The following SPAG16 variants were observed in gnomAD, a reference collection of about 807,000 sequenced individuals.
The protein encoded by SPAG16 is sperm-associated antigen 16 protein.
SPAG16 carries 86 observed loss-of-function variants against 80.4 expected under a neutral mutation model. The observed-to-expected ratio is 1.07, with a 90% CI of 0.90 to 1.28. The LOEUF is 1.28. SPAG16 is among the 50% of genes most tolerant of loss of function. SPAG16 has a pLI of 0.00. For synonymous variants in SPAG16, 294 were observed against 265.9 expected, an observed-to-expected ratio of 1.11 and a Z score of -1.03; for missense variants, 870 against 765.3, an observed-to-expected ratio of 1.14 and a Z score of -1.61.
intron 15 of SPAG16, among the ~76,000 whole-genome samples, chr2:214,299,307 G>T (rs1248934871): frequency 7.2e-6 from 1 of 138,820 alleles, no homozygotes; most frequent in Non-Finnish European, 1.5e-5. Context: ...CTGGAGTGCA[G>T]TGGCGCAATC....
chr2:213,730,940 T>C (rs150378848), intron 10 of SPAG16, among the ~76,000 whole-genome samples: 89 of 152,318 alleles, frequency 5.8e-4, no homozygotes, highest in Non-Finnish European at 8.7e-4. Context: ...TTTCCTTTAC[T>C]GTGCCAAGAC....
chr2:213,727,881 T>C (rs998275973), intron 10 of SPAG16, among the ~76,000 whole-genome samples: 1 of 152,110 alleles, frequency 6.6e-6, no homozygotes, highest in Non-Finnish European at 1.5e-5. Context: ...GGAATTTCAC[T>C]CTTGTCGCCC....
chr2:213,521,811 T>A (rs1575825329), intron 10 of SPAG16, among the ~76,000 whole-genome samples: 1 of 152,262 alleles, frequency 6.6e-6, no homozygotes, highest in Non-Finnish European at 1.5e-5. Context: ...ATGTGTTGTT[T>A]AAAATTTATG....
chr2:214,404,142 G>C (rs1007485335), intron 15 of SPAG16, among the ~76,000 whole-genome samples: 1 of 152,184 alleles, frequency 6.6e-6, no homozygotes, highest in Non-Finnish European at 1.5e-5. Flanking sequence ...GTTCATGTAA[G>C]AGTGTACTTG....
intron 9 of SPAG16, among the ~76,000 whole-genome samples, chr2:213,430,293 A>G (rs2070209805): frequency 6.6e-6 from 1 of 152,220 alleles, no homozygotes; most frequent in Non-Finnish European, 1.5e-5. Context: ...GAGTCAGACA[A>G]AAGTGAAAAA....
chr2:213,928,730 A>G (rs1252251600), intron 11 of SPAG16, among the ~76,000 whole-genome samples: 3 of 152,230 alleles, frequency 2.0e-5, no homozygotes, highest in African/African-American at 7.2e-5. Flanking sequence ...CCGTAGAAAC[A>G]GAGATGAAAT....
chr2:213,610,136 A>C (rs2061396272), intron 10 of SPAG16, among the ~76,000 whole-genome samples: 1 of 152,026 alleles, frequency 6.6e-6, no homozygotes, highest in African/African-American at 2.4e-5. Flanking sequence ...TATATTAATA[A>C]TATTTTTAAA....
chr2:214,046,110 A>T (rs1419905172), intron 13 of SPAG16, among the ~76,000 whole-genome samples: 1 of 152,206 alleles, frequency 6.6e-6, no homozygotes, highest in East Asian at 1.9e-4. Context: ...AAAAAAATGG[A>T]TAAATGGCTA....
chr2:213,431,228 G>GA (rs899972719), intron 9 of SPAG16, among the ~76,000 whole-genome samples: 8 of 151,154 alleles, frequency 5.3e-5, no homozygotes, highest in South Asian at 2.1e-4. Context: ...AAACGGAGGG[G>GA]AAAAAAAAGA....
At chr2:214,289,679 T>C (rs1693644828) in intron 15 of SPAG16, among the ~76,000 whole-genome samples, 1 of 152,236 alleles carries the variant, frequency 6.6e-6, no homozygotes, top group African/African-American at 2.4e-5. Flanking sequence ...TTCAGCTTTG[T>C]TCCTTTGGCT....
At chr2:213,409,881 T>C (rs141757522) in intron 9 of SPAG16, among the ~76,000 whole-genome samples, 1 of 152,236 alleles carries the variant, frequency 6.6e-6, no homozygotes, top group East Asian at 1.9e-4. Flanking sequence ...TCTTAGAAAT[T>C]ATATACTTGG....
At chr2:213,887,002 A>G (rs748493967) in intron 11 of SPAG16, among the ~76,000 whole-genome samples, 2 of 152,104 alleles carry the variant, frequency 1.3e-5, no homozygotes, top group Admixed American at 6.6e-5. Flanking sequence ...TATAAAAGTG[A>G]AATATAAGAT....
At chr2:213,982,610 G>GGT (rs57529616) in intron 12 of SPAG16, among the ~76,000 whole-genome samples, 52,364 of 141,688 alleles carry the variant, frequency 0.37, 11,195 homozygotes, top group Non-Finnish European at 0.49. Context: ...TATAGTTTCT[G>GGT]GTGTGTGTGT....
At chr2:213,667,999 T>TGCAGTG (rs376188724) in intron 10 of SPAG16, among the ~76,000 whole-genome samples, 7,387 of 151,966 alleles carry the variant, frequency 0.049, 598 homozygotes, top group African/African-American at 0.17. Context: ...CAGGCTGGAG[T>TGCAGTG]GCATGATCTC....
chr2:213,696,542 G>A (rs2065160281), intron 10 of SPAG16, among the ~76,000 whole-genome samples: 1 of 152,128 alleles, frequency 6.6e-6, no homozygotes, highest in South Asian at 2.1e-4. Flanking sequence ...AAAAGAGACT[G>A]AGAAATACCT....
chr2:213,566,977 C>T (rs1422037329), intron 10 of SPAG16, among the ~76,000 whole-genome samples: 1 of 152,212 alleles, frequency 6.6e-6, no homozygotes, highest in East Asian at 1.9e-4. Flanking sequence ...AGTTAGCCAA[C>T]AGTTTTAAAT....
chr2:214,320,338 G>T (rs889280148), intron 15 of SPAG16, among the ~76,000 whole-genome samples: 2 of 152,128 alleles, frequency 1.3e-5, no homozygotes, highest in Non-Finnish European at 2.9e-5. Flanking sequence ...TACATATGGG[G>T]TAAGGGCCTC....
At chr2:213,776,041 G>A (rs2069555271) in intron 10 of SPAG16, among the ~76,000 whole-genome samples, 1 of 152,158 alleles carries the variant, frequency 6.6e-6, no homozygotes, top group Non-Finnish European at 1.5e-5. Flanking sequence ...AAATTATTTT[G>A]TGTGTAGTTA....
chr2:214,209,467 A>C (rs1337163145), intron 15 of SPAG16, among the ~76,000 whole-genome samples: 1 of 152,192 alleles, frequency 6.6e-6, no homozygotes, highest in Non-Finnish European at 1.5e-5. Context: ...TGGGAAAACT[A>C]TTCAAACAAA....
Sources: gnomAD v4.1 joint callset for allele counts (sites outside exome capture counted in the v4.1 genomes callset) on GRCh38, gnomAD v4.1.1 for gene constraint, MANE v1.5 for transcripts, NCBI Gene and HGNC (gene_info 2026-07-23, HGNC 2026-07-21) for gene names.